Variants in PSMA3 observed in about 807,000 individuals in gnomAD.
PSMA3 encodes proteasome 20S subunit alpha 3, also known as proteasome subunit alpha type-3.
A neutral mutation model predicts 40.0 loss-of-function variants in PSMA3; 8 were observed. That is an observed-to-expected ratio of 0.20 (90% CI 0.12 to 0.36). PSMA3 has a LOEUF of 0.36. Among genes scored for constraint, PSMA3 ranks in the 10% least tolerant of loss-of-function variants. The pLI, the probability that PSMA3 is intolerant of heterozygous loss-of-function variation, is 1.00. For missense variants in PSMA3, 219 were observed against 310.6 expected (o/e 0.70, Z 2.22); for synonymous variants, 110 against 100.0 (o/e 1.10, Z -0.59).
chr14:58,256,807 G>A (rs754413444), intron 3 of PSMA3, among the ~76,000 whole-genome samples: 1 of 151,986 alleles, frequency 6.6e-6, no homozygotes, highest in Non-Finnish European at 1.5e-5. Flanking sequence ...TCCTCAACCT[G>A]TAATAACTTT....
chr14:58,260,404 A>G (rs1171718278), intron 5 of PSMA3, among the ~76,000 whole-genome samples: 1 of 152,226 alleles, frequency 6.6e-6, no homozygotes, highest in Non-Finnish European at 1.5e-5. Context: ...ACAGATGCAG[A>G]ACTCATGGAA....
At chr14:58,268,124 A>C (rs924085263) in intron 8 of PSMA3, 1 of 152,344 alleles carries the variant, frequency 6.6e-6, no homozygotes, top group South Asian at 2.1e-4. Flanking sequence ...AACAATAAAA[A>C]AGTCAATTAA....
intron 2 of PSMA3, among the ~76,000 whole-genome samples, chr14:58,248,489 CAG>C (rs942693158): frequency 2.0e-5 from 3 of 151,780 alleles, no homozygotes; most frequent in African/African-American, 7.3e-5. Flanking sequence ...CTCGGACTCC[CAG>C]AGAGTAGCCC....
At chr14:58,256,940 A>C (rs529455716) in intron 3 of PSMA3, among the ~76,000 whole-genome samples, 1 of 150,580 alleles carries the variant, frequency 6.6e-6, no homozygotes, top group Non-Finnish European at 1.5e-5. Flanking sequence ...CCAACATGAC[A>C]AAACCAAACC....
At chr14:58,245,043 A>G (rs1889847764) in intron 1 of PSMA3, 102 bp downstream of exon 1, 3 of 1,508,108 alleles carry the variant, frequency 2.0e-6, no homozygotes, top group African/African-American at 1.4e-5. Flanking sequence ...GTGCTCTGAG[A>G]CCGCCTTCGG....
At chr14:58,270,891 T>G (rs1306605769) in intron 9 of PSMA3, 43 bp from the exon 10 acceptor site, 1 of 1,469,332 alleles carries the variant, frequency 6.8e-7, no homozygotes, top group Non-Finnish European at 9.4e-7. Flanking sequence ...TACAATATGG[T>G]ACTCAATTTA....
At position 58,269,142 on chromosome 14, in the gene PSMA3, C is replaced by G. The variant is rs923555562; in HGVS notation, c.591-1276C>G. ...TAGAGACAGGCTTTACCATCTTGGCCAGGCTGGTCTTGAACTCCTGACCTT... is the reference window on the plus strand; with the variant it reads ...TAGAGACAGGCTTTACCATCTTGGCGAGGCTGGTCTTGAACTCCTGACCTT... On this transcript the variant is annotated intron_variant, in intron 8 of 10. Transcript: ENST00000216455. Among the ~76,000 whole-genome samples, 5 of 152,220 alleles carry G rather than the reference C, an allele frequency of 3.3e-5. No individual in the cohort carries two copies. In the East Asian group the frequency reaches 7.7e-4, roughly 24 times the overall value.
intron 1 of PSMA3, among the ~76,000 whole-genome samples, chr14:58,246,841 G>A (rs8009579): frequency 0.72 from 109,695 of 152,074 alleles, 40,086 homozygotes; most frequent in Middle Eastern, 0.87. Flanking sequence ...CTTATTTTCC[G>A]CATAAAGCCA....
Position 58,252,203 on chromosome 14 carries a change from C to T in PSMA3, c.189C>T (p.Ser63=). The T allele has an allele frequency of 6.2e-7, 1 of 1,612,416 alleles. No individual in the cohort carries two copies. ...LVLSKLYEEG[S]NKRLFNVDRH... is the part of the protein sequence containing the mutation. Reference sequence around the variant, plus strand: ...TTTCTAAACTTTATGAAGAAGGTTCCAACAAAAGACTTTTTAATGTTGATC... The same window carrying T: ...TTTCTAAACTTTATGAAGAAGGTTCTAACAAAAGACTTTTTAATGTTGATC... The change falls in exon 3 of 11, where the codon TCC becomes TCT. Residue 63 remains serine (S), a synonymous_variant. Transcript: ENST00000216455.
chr14:58,245,802 TAAC>T (rs935034575), intron 1 of PSMA3, among the ~76,000 whole-genome samples: 10 of 152,240 alleles, frequency 6.6e-5, no homozygotes, highest in African/African-American at 2.2e-4. Context: ...TTCTACTTCT[TAAC>T]AAGATTCTCA....
intron 3 of PSMA3, among the ~76,000 whole-genome samples, chr14:58,255,070 A>C (rs1890112115): frequency 6.6e-6 from 1 of 152,132 alleles, no homozygotes; most frequent in South Asian, 2.1e-4. Flanking sequence ...ATGGTACCTT[A>C]AGTGTCTCAG....
chr14:58,253,636 C>T (rs1219751180), intron 3 of PSMA3, among the ~76,000 whole-genome samples: 4 of 152,236 alleles, frequency 2.6e-5, no homozygotes, highest in African/African-American at 9.6e-5. Flanking sequence ...CTCTGTCATC[C>T]AGGAAGGAGT....
chr14:58,267,533 T>G lies in PSMA3; in HGVS notation c.590+13T>G. 6.4e-7 allele frequency: 1 copy of G among 1,571,030 alleles called. No individual in the cohort carries two copies. Reference sequence around the variant, plus strand: ...AAGTTGCAAAAATGTAAGTTGAAATTTTTCTTACCATCCACAAAAATATTT... The same window carrying G: ...AAGTTGCAAAAATGTAAGTTGAAATGTTTCTTACCATCCACAAAAATATTT... On this transcript the variant is annotated intron_variant, in intron 8 of 10. Transcript: ENST00000216455.
At chr14:58,267,696 A>G (rs118124018) in intron 8 of PSMA3, 176 bp downstream of exon 8, 262 of 1,163,792 alleles carry the variant, frequency 2.3e-4, no homozygotes, top group Non-Finnish European at 2.8e-4. Context: ...TTTAAGCAAT[A>G]TTTTTTAGTA....
chr14:58,251,198 C>A (rs967872677), intron 2 of PSMA3, among the ~76,000 whole-genome samples: 3 of 152,186 alleles, frequency 2.0e-5, no homozygotes, highest in African/African-American at 7.2e-5. Flanking sequence ...ATCAGAACTA[C>A]CTTTATCAAA....
intron 3 of PSMA3, among the ~76,000 whole-genome samples, chr14:58,254,517 T>C (rs955386646): frequency 2.7e-5 from 4 of 150,656 alleles, no homozygotes; most frequent in Non-Finnish European, 1.5e-5. Flanking sequence ...TTAGTTTTTT[T>C]AAGAGATATG....
At chr14:58,270,131 C>A in intron 8 of PSMA3, 1 of 267,550 alleles carries the variant, frequency 3.7e-6, no homozygotes, top group Non-Finnish European at 7.1e-6. Flanking sequence ...CAGGTGTGAG[C>A]CACTGTGCCC....
intron 3 of PSMA3, among the ~76,000 whole-genome samples, chr14:58,252,998 G>A (rs1444292972): frequency 1.4e-5 from 1 of 72,816 alleles, no homozygotes; most frequent in Non-Finnish European, 2.9e-5. Flanking sequence ...TTTTTTTTTT[G>A]GTTTGAGACA....
At chr14:58,252,073 T>C in intron 2 of PSMA3, 46 bp from the exon 3 acceptor site, 2 of 1,551,850 alleles carry the variant, frequency 1.3e-6, no homozygotes, top group Non-Finnish European at 1.7e-6. Context: ...TTATGAAGTT[T>C]CTTTTATTTT....
Sources: gnomAD v4.1 joint callset for allele counts (sites outside exome capture counted in the v4.1 genomes callset) on GRCh38, gnomAD v4.1.1 for gene constraint, MANE v1.5 for transcripts, NCBI Gene and HGNC (gene_info 2026-07-23, HGNC 2026-07-21) for gene names.